Variants in RNF13 observed in about 807,000 individuals in gnomAD.
RNF13 encodes E3 ubiquitin-protein ligase RNF13.
A neutral mutation model predicts 37.7 loss-of-function variants in RNF13; 19 were observed. The observed-to-expected ratio is 0.50, with a 90% CI of 0.35 to 0.74. The LOEUF (loss-of-function observed/expected upper bound fraction) is 0.74, where lower values mean the gene tolerates loss of function less well. RNF13 is among the 30% of genes least tolerant of loss of function. RNF13 has a pLI of 0.01. For missense variants in RNF13, 375 were observed against 453.0 expected (o/e 0.83, Z 1.56); for synonymous variants, 144 against 157.8 (o/e 0.91, Z 0.65).
intron 4 of RNF13, among the ~76,000 whole-genome samples, chr3:149,877,314 A>G (rs1210368243): frequency 6.6e-6 from 1 of 152,076 alleles, no homozygotes; most frequent in Non-Finnish European, 1.5e-5. Flanking sequence ...CTTCATGTTC[A>G]TTTCACTTAA....
chr3:149,825,460 C>T (rs536504221), intron 1 of RNF13, among the ~76,000 whole-genome samples: 2 of 152,020 alleles, frequency 1.3e-5, no homozygotes, highest in African/African-American at 2.4e-5. Flanking sequence ...CACCATGCCC[C>T]GCCTCCAGCA....
At chr3:149,822,453 A>G (rs751610484) in intron 1 of RNF13, 9 of 152,122 alleles carry the variant, frequency 5.9e-5, no homozygotes, top group Admixed American at 2.0e-4. Flanking sequence ...TAGAAACACA[A>G]TGGATTTTGT....
chr3:149,851,191 T>C (rs1011527512), intron 2 of RNF13: 1 of 152,168 alleles, frequency 6.6e-6, no homozygotes, highest in African/African-American at 2.4e-5. Context: ...GGGTCACTTG[T>C]TGTAGTTTGT....
At chr3:149,955,933 A>C (rs1721818805) in intron 8 of RNF13, among the ~76,000 whole-genome samples, 3 of 152,116 alleles carry the variant, frequency 2.0e-5, no homozygotes, top group Admixed American at 1.3e-4. Flanking sequence ...CCTCTTTCTA[A>C]ATTTAATTTT....
intron 3 of RNF13, among the ~76,000 whole-genome samples, chr3:149,864,534 ACATT>A (rs1190405145): frequency 6.6e-6 from 1 of 152,180 alleles, no homozygotes; most frequent in Non-Finnish European, 1.5e-5. Context: ...TCCAGAGCGC[ACATT>A]CATTTTGTTT....
At chr3:149,840,557 A>G (rs1238268560) in intron 1 of RNF13, among the ~76,000 whole-genome samples, 2 of 152,154 alleles carry the variant, frequency 1.3e-5, no homozygotes, top group African/African-American at 4.8e-5. Context: ...GGATGGATGT[A>G]TTCTATTTGC....
intron 2 of RNF13, among the ~76,000 whole-genome samples, chr3:149,846,776 A>G (rs893975960): frequency 1.3e-5 from 2 of 152,238 alleles, no homozygotes; most frequent in Non-Finnish European, 2.9e-5. Flanking sequence ...TACCTAGTAC[A>G]TCTCTTAATG....
chr3:149,960,316 GC>G (rs1311778266), intron 9 of RNF13, among the ~76,000 whole-genome samples, 180 bp downstream of exon 9: 4 of 152,126 alleles, frequency 2.6e-5, no homozygotes, highest in African/African-American at 9.7e-5. Flanking sequence ...TTCAGGCCGG[GC>G]ATGGTGGCTC....
chr3:149,850,125 A>G (rs1382173710), intron 2 of RNF13, among the ~76,000 whole-genome samples: 1 of 151,990 alleles, frequency 6.6e-6, no homozygotes, highest in East Asian at 1.9e-4. Context: ...GATTACAGGC[A>G]TTTGACATCA....
At chr3:149,908,977 T>C (rs1716704185) in intron 6 of RNF13, among the ~76,000 whole-genome samples, 4 of 152,206 alleles carry the variant, frequency 2.6e-5, no homozygotes. Context: ...GCTCATAAGA[T>C]GTGCTGTATT....
At chr3:149,844,625 C>T (rs1395877521) in intron 1 of RNF13, among the ~76,000 whole-genome samples, 11 of 152,150 alleles carry the variant, frequency 7.2e-5, no homozygotes, top group Non-Finnish European at 7.3e-5. Context: ...CAGATGCCAG[C>T]GAGGGGCCAA....
chr3:149,917,918 A>C (rs1006725835), intron 7 of RNF13, among the ~76,000 whole-genome samples: 2 of 152,224 alleles, frequency 1.3e-5, no homozygotes, highest in African/African-American at 4.8e-5. Flanking sequence ...TACACAATTC[A>C]ATAATTTTAA....
At chr3:149,886,788 C>G (rs1714085268) in intron 4 of RNF13, among the ~76,000 whole-genome samples, 1 of 152,102 alleles carries the variant, frequency 6.6e-6, no homozygotes, top group African/African-American at 2.4e-5. Flanking sequence ...TCGTTGAGTA[C>G]TTTTATCATG....
intron 8 of RNF13, among the ~76,000 whole-genome samples, chr3:149,957,167 A>G (rs1465299229): frequency 1.3e-5 from 2 of 152,176 alleles, no homozygotes; most frequent in Admixed American, 6.5e-5. Flanking sequence ...AATCCACTCA[A>G]CAATTGATGT....
chr3:149,958,046 A>G (rs1180243611), intron 8 of RNF13, among the ~76,000 whole-genome samples: 2 of 152,222 alleles, frequency 1.3e-5, no homozygotes, highest in South Asian at 2.1e-4. Context: ...ATTAATATAA[A>G]TCTACTACTT....
intron 7 of RNF13, among the ~76,000 whole-genome samples, chr3:149,919,410 C>G (rs955423146): frequency 2.0e-5 from 3 of 152,142 alleles, no homozygotes; most frequent in African/African-American, 7.2e-5. Flanking sequence ...CCTCACTACC[C>G]TTCTCCATGC....
At chr3:149,869,376 C>A (rs533901047) in intron 3 of RNF13, among the ~76,000 whole-genome samples, 3 of 151,800 alleles carry the variant, frequency 2.0e-5, no homozygotes, top group African/African-American at 7.2e-5. Flanking sequence ...GAGGCTGAGG[C>A]GGGCGGATCA....
chr3:149,955,378 G>C (rs988930474), intron 8 of RNF13, among the ~76,000 whole-genome samples: 13 of 151,698 alleles, frequency 8.6e-5, no homozygotes, highest in African/African-American at 3.1e-4. Context: ...ATAAATATTA[G>C]TTCCTTTGCC....
intron 3 of RNF13, among the ~76,000 whole-genome samples, chr3:149,860,270 A>AAAAAAAAAAAAAAAAATATATATATATAT (rs1302318768): frequency 9.6e-6 from 1 of 104,118 alleles, no homozygotes; most frequent in African/African-American, 4.2e-5. Context: ...AAAAAAAAAA[A>AAAAAAAAAAAAAAAAATATATATATATAT]ATATATATAT....
Sources: gnomAD v4.1 joint callset for allele counts (sites outside exome capture counted in the v4.1 genomes callset) on GRCh38, gnomAD v4.1.1 for gene constraint, MANE v1.5 for transcripts, NCBI Gene and HGNC (gene_info 2026-07-23, HGNC 2026-07-21) for gene names.